The following LRP1B variants were observed in gnomAD, a reference collection of about 807,000 sequenced individuals.
The protein encoded by LRP1B is LDL receptor related protein 1B.
Under a neutral mutation model 556.6 loss-of-function variants are expected in LRP1B, and 217 were observed. The observed-to-expected ratio is 0.39, with a 90% confidence interval of 0.35 to 0.44. LRP1B has a LOEUF of 0.44. Among genes scored for constraint, LRP1B ranks in the 20% least tolerant of loss-of-function variants. The pLI is 1.00. For missense variants in LRP1B, 5,053 were observed against 5,620.8 expected (o/e 0.90, Z 3.23); for synonymous variants, 2,047 against 1,865.8 (o/e 1.10, Z -2.50).
intron 11 of LRP1B, among the ~76,000 whole-genome samples, chr2:141,045,634 A>G (rs906163216): frequency 6.6e-6 from 1 of 151,852 alleles, no homozygotes; most frequent in Admixed American, 6.6e-5. Flanking sequence ...TATCTTATTC[A>G]TTTATGTGTT....
chr2:141,942,055 T>A (rs918329871), intron 1 of LRP1B, among the ~76,000 whole-genome samples: 5 of 152,224 alleles, frequency 3.3e-5, no homozygotes, highest in African/African-American at 1.2e-4. Flanking sequence ...AGCACAATAC[T>A]CTGTTTCTGG....
At chr2:140,848,279 C>T (rs1315627676) in intron 29 of LRP1B, among the ~76,000 whole-genome samples, 2 of 152,066 alleles carry the variant, frequency 1.3e-5, no homozygotes, top group African/African-American at 2.4e-5. Context: ...TTTGCCCCTG[C>T]CCTTGTAAAA....
At chr2:141,074,575 C>CTG (rs1340636608) in intron 7 of LRP1B, among the ~76,000 whole-genome samples, 10 of 94,720 alleles carry the variant, frequency 1.1e-4, no homozygotes, top group East Asian at 5.0e-4. Context: ...CTCTGTCTCT[C>CTG]TCTCTCTCTC....
Position 142,115,499 on chromosome 2 carries a change from A to AC in LRP1B, c.82+15148_82+15149insG, listed in dbSNP as rs1559079373. 7.1e-5 allele frequency among the ~76,000 whole-genome samples: 6 copies of AC among 84,996 alleles called. No individual in the cohort carries two copies. The South Asian group carries it at 8.7e-4, about 12-fold the overall frequency. The allele number at this position is 84,996 out of a possible 152,430, so 55.8% of individuals were successfully genotyped here. A position where few individuals can be genotyped will look rare whatever the true frequency, so the allele number is the denominator to read the frequency against. ...ATACATATAATATATAATTATATAT[A>AC]ATATATATTATATATTACATATATA... On this transcript the variant is annotated intron_variant, in intron 1 of 90. Coordinates refer to ENST00000389484, the MANE Select transcript of LRP1B (RefSeq NM_018557.3).
intron 43 of LRP1B, among the ~76,000 whole-genome samples, chr2:140,580,843 G>A (rs988746116): frequency 2.0e-5 from 3 of 151,880 alleles, no homozygotes; most frequent in Admixed American, 6.6e-5. Flanking sequence ...CTATGGGGAG[G>A]GCTGCTCCAG....
Position 141,047,963 on chromosome 2 carries a change from T to C in LRP1B, c.1789+1023A>G, listed in dbSNP as rs376283369. Among the ~76,000 whole-genome samples the C allele has an allele frequency of 3.9e-5, 6 of 152,130 alleles. No individual in the cohort carries two copies. In the East Asian group the frequency reaches 5.8e-4, roughly 15 times the overall value. ...CTGTGAATATCCATTACATAGGCAT[T>C]CTCTATTAATCATATATTTCTTCAA... On this transcript the variant is annotated intron_variant, in intron 11 of 90. Transcript: ENST00000389484.
At chr2:141,504,378 C>A (rs753294691) in intron 2 of LRP1B, among the ~76,000 whole-genome samples, 2 of 151,988 alleles carry the variant, frequency 1.3e-5, no homozygotes, top group Admixed American at 6.6e-5. Context: ...TTTACAACTT[C>A]GGCTTGTAGA....
intron 66 of LRP1B, among the ~76,000 whole-genome samples, chr2:140,392,524 G>C (rs548012938): frequency 6.6e-6 from 1 of 151,346 alleles, no homozygotes; most frequent in South Asian, 2.1e-4. Context: ...ATCTTGCTCT[G>C]TCACCCAGGC....
At chr2:141,293,142 AAGG>A (rs1249052991) in intron 3 of LRP1B, among the ~76,000 whole-genome samples, 1 of 152,198 alleles carries the variant, frequency 6.6e-6, no homozygotes, top group Non-Finnish European at 1.5e-5. Context: ...ATGTCAAATG[AAGG>A]AGGAGAACAT....
chr2:141,029,183 G>T (rs1214688557), intron 11 of LRP1B, among the ~76,000 whole-genome samples: 1 of 152,042 alleles, frequency 6.6e-6, no homozygotes, highest in African/African-American at 2.4e-5. Context: ...GGCTATTATA[G>T]GTTAAATAGC....
intron 59 of LRP1B, among the ~76,000 whole-genome samples, chr2:140,475,882 T>G (rs1265759745): frequency 6.6e-6 from 1 of 152,012 alleles, no homozygotes; most frequent in Non-Finnish European, 1.5e-5. Context: ...GAGTCACATT[T>G]CAAGTGCTCA....
intron 82 of LRP1B, among the ~76,000 whole-genome samples, chr2:140,315,896 A>G (rs1240856473): frequency 6.6e-6 from 1 of 152,144 alleles, no homozygotes; most frequent in African/African-American, 2.4e-5. Flanking sequence ...AGTCATTGAG[A>G]TTTGGTACAA....
intron 2 of LRP1B, among the ~76,000 whole-genome samples, chr2:141,767,773 C>A (rs576807788): frequency 6.6e-6 from 1 of 152,220 alleles, no homozygotes; most frequent in South Asian, 2.1e-4. Context: ...CAAGTTCAAT[C>A]CACAGGAGCA....
At chr2:140,283,156 A>G (rs931140923) in intron 84 of LRP1B, among the ~76,000 whole-genome samples, 1 of 151,768 alleles carries the variant, frequency 6.6e-6, no homozygotes, top group Non-Finnish European at 1.5e-5. Context: ...ACTTGTATAC[A>G]TTGTATACAA....
chr2:141,850,326 G>A (rs898101558), intron 1 of LRP1B, among the ~76,000 whole-genome samples: 3 of 151,564 alleles, frequency 2.0e-5, no homozygotes, highest in African/African-American at 7.3e-5. Context: ...GCTTGTCAGA[G>A]TAAAGAACAT....
intron 51 of LRP1B, among the ~76,000 whole-genome samples, chr2:140,513,894 G>A (rs115700338): frequency 0.016 from 2,393 of 152,086 alleles, 61 homozygotes; most frequent in African/African-American, 0.052. Flanking sequence ...ACAAATGCAT[G>A]TACAGAAATA....
At chr2:140,807,647 G>T (rs1690767439) in intron 32 of LRP1B, among the ~76,000 whole-genome samples, 1 of 150,764 alleles carries the variant, frequency 6.6e-6, no homozygotes, top group Non-Finnish European at 1.5e-5. Flanking sequence ...CACTGCTCCT[G>T]GTCAAACAGA....
intron 66 of LRP1B, among the ~76,000 whole-genome samples, chr2:140,426,885 T>G (rs1558874264): frequency 6.6e-6 from 1 of 152,124 alleles, no homozygotes; most frequent in Non-Finnish European, 1.5e-5. Context: ...GTGAGAAAGA[T>G]CCACCTACCA....
chr2:141,555,986 CTGTT>C (rs748292654), intron 2 of LRP1B, among the ~76,000 whole-genome samples: 86 of 151,674 alleles, frequency 5.7e-4, no homozygotes, highest in Non-Finnish European at 9.3e-4. Context: ...TTTCCGTTTT[CTGTT>C]TGTTTATGGC....
Sources: allele counts gnomAD v4.1 joint callset (sites outside exome capture counted in the v4.1 genomes callset), GRCh38; gene constraint gnomAD v4.1.1; transcripts MANE v1.5; gene names NCBI Gene and HGNC (gene_info 2026-07-23, HGNC 2026-07-21).